Variants in MAPKAPK3 observed in about 807,000 individuals in gnomAD.
MAPKAPK3 encodes the protein MAPK activated protein kinase 3.
A neutral mutation model predicts 49.2 loss-of-function variants in MAPKAPK3; 35 were observed. The observed-to-expected ratio is 0.71, with a 90% CI of 0.54 to 0.94. The LOEUF is 0.94. Among genes scored for constraint, MAPKAPK3 ranks in the 40% least tolerant of loss-of-function variants. MAPKAPK3 has a pLI of 0.00. For synonymous variants in MAPKAPK3, 178 were observed against 188.7 expected, an observed-to-expected ratio of 0.94 and a Z score of 0.46; for missense variants, 398 against 493.1, an observed-to-expected ratio of 0.81 and a Z score of 1.83.
chr3:50,645,651 C>T (rs760050741), intron 6 of MAPKAPK3, 59 bp from the exon 7 acceptor site: 3 of 1,438,270 alleles, frequency 2.1e-6, no homozygotes, highest in African/African-American at 1.4e-5. Context: ...GCTTTAGGCT[C>T]CTGCCTGGGC....
chr3:50,619,764 A>G (rs576557248), intron 2 of MAPKAPK3, among the ~76,000 whole-genome samples: 55 of 152,308 alleles, frequency 3.6e-4, no homozygotes, highest in African/African-American at 1.3e-3. Context: ...GCCAGCTTTA[A>G]GTAAGACTGG....
At chr3:50,626,417 C>T (rs2032744185) in intron 2 of MAPKAPK3, among the ~76,000 whole-genome samples, 1 of 152,200 alleles carries the variant, frequency 6.6e-6, no homozygotes, top group African/African-American at 2.4e-5. Context: ...TGGCACCCTG[C>T]ACCTGACCAC....
Position 50,646,170 on chromosome 3 carries a change from C to T in MAPKAPK3, c.735C>T (p.Asn245=). The T allele has an allele frequency of 6.2e-7, 1 of 1,614,170 alleles. No homozygotes were observed. The highest frequency in any genetic ancestry group is 1.1e-5 in the South Asian group (1 of 91,086). ...LLCGFPPFYS[N]TGQAISPGMK... is the part of the protein sequence containing the mutation. Reference sequence around the variant, plus strand: ...GTGGCTTCCCACCCTTCTACTCCAACACGGGCCAGGCCATCTCCCCGGGGA... The same window carrying T: ...GTGGCTTCCCACCCTTCTACTCCAATACGGGCCAGGCCATCTCCCCGGGGA... Residue 245 remains asparagine, a synonymous_variant, in exon 8 of 11, where the codon AAC becomes AAT. Coordinates refer to ENST00000621469, the MANE Select transcript of MAPKAPK3 (RefSeq NM_001243925.2).
At chr3:50,636,497 C>T (rs448028) in intron 2 of MAPKAPK3, among the ~76,000 whole-genome samples, 118,160 of 152,164 alleles carry the variant, frequency 0.78, 47,083 homozygotes, top group Middle Eastern at 0.9. Context: ...AGGGCGATGA[C>T]GTGAGAGCTT....
At chr3:50,623,025 AT>A (rs1274408520) in intron 2 of MAPKAPK3, among the ~76,000 whole-genome samples, 2 of 152,268 alleles carry the variant, frequency 1.3e-5, no homozygotes, top group East Asian at 3.9e-4. Context: ...GTTGAGCTGG[AT>A]TTGAAGCCAG....
At chr3:50,622,985 G>C (rs185021912) in intron 2 of MAPKAPK3, among the ~76,000 whole-genome samples, 49 of 152,354 alleles carry the variant, frequency 3.2e-4, no homozygotes, top group Admixed American at 2.0e-3. Flanking sequence ...ACTGCTCCAA[G>C]GGTGAGGCTG....
chr3:50,636,391 G>A (rs2033041685), intron 2 of MAPKAPK3, among the ~76,000 whole-genome samples: 1 of 152,228 alleles, frequency 6.6e-6, no homozygotes, highest in Non-Finnish European at 1.5e-5. Context: ...CAGGCACATT[G>A]AAAGTACAAT....
chr3:50,635,284 A>G (rs1242642996), intron 2 of MAPKAPK3, among the ~76,000 whole-genome samples: 1 of 152,148 alleles, frequency 6.6e-6, no homozygotes, highest in African/African-American at 2.4e-5. Context: ...AAGAGGAGGT[A>G]AAGCCTGGTT....
At position 50,647,158 on chromosome 3, in the gene MAPKAPK3, G is replaced by A. The variant is rs757444915; in HGVS notation, c.951G>A (p.Thr317=). Residue 317 remains threonine (T), a synonymous_variant, in exon 10 of 11, where the codon ACG becomes ACA. Transcript: ENST00000621469. The part of the protein sequence containing the change: ...SMVVPQTPLH[T]ARVLQEDKDH... ...TAGTGCCACAGACCCCACTCCACAC[G>A]GCCCGAGTGCTGCAGGAGGACAAAG... 18 of 1,596,144 alleles carry A rather than the reference G, an allele frequency of 1.1e-5. No individual in the cohort carries two copies. Among genetic ancestry groups the A allele is most frequent in the East Asian group, 4.5e-5 (2 of 44,124 alleles).
chr3:50,617,806 C>T (rs1209447696), intron 2 of MAPKAPK3, 22 bp downstream of exon 2: 5 of 1,582,598 alleles, frequency 3.2e-6, no homozygotes, highest in Non-Finnish European at 4.3e-6. Flanking sequence ...CTCACTGAGG[C>T]CTGGGGTATC....
At chr3:50,627,609 G>A (rs371039231) in intron 2 of MAPKAPK3, among the ~76,000 whole-genome samples, 7 of 152,140 alleles carry the variant, frequency 4.6e-5, no homozygotes, top group Admixed American at 4.6e-4. Flanking sequence ...CCCAGGAGAG[G>A]GGGAGTGAGT....
At chr3:50,627,692 A>G (rs754553734) in intron 2 of MAPKAPK3, among the ~76,000 whole-genome samples, 15 of 152,134 alleles carry the variant, frequency 9.9e-5, no homozygotes, top group Non-Finnish European at 1.5e-5. Flanking sequence ...CTGGTCCCCT[A>G]GAGGGCAGGG....
intron 10 of MAPKAPK3, 69 bp from the exon 11 acceptor site, chr3:50,647,825 A>AG (rs1372104623): frequency 1.4e-6 from 2 of 1,471,590 alleles, no homozygotes; most frequent in East Asian, 2.3e-5. Flanking sequence ...CTGCCCAGGC[A>AG]GGGGGGTGAT....
At position 50,617,804 on chromosome 3, in the gene MAPKAPK3, G is replaced by T; in HGVS notation, c.219+20G>T. Reference sequence around the variant, plus strand: ...CTGAAGGTCAGTGAGCCCTCACTGAGGCCTGGGGTATCCTGGAGGGTCCAC... The same window carrying T: ...CTGAAGGTCAGTGAGCCCTCACTGATGCCTGGGGTATCCTGGAGGGTCCAC... On this transcript the variant is annotated intron_variant, in intron 2 of 10. Transcript: ENST00000621469. The T allele has an allele frequency of 6.3e-7, 1 of 1,584,170 alleles. No individual in the cohort carries two copies. Among genetic ancestry groups the T allele is most frequent in the South Asian group, 1.1e-5 (1 of 90,492 alleles).
At chr3:50,628,449 C>A (rs2032815100) in intron 2 of MAPKAPK3, among the ~76,000 whole-genome samples, 1 of 152,188 alleles carries the variant, frequency 6.6e-6, no homozygotes, top group African/African-American at 2.4e-5. Flanking sequence ...CTAAAATGTT[C>A]CAGTCTTATG....
rs745672353 is a variant in MAPKAPK3 at position 50,617,618 on chromosome 3, C to A, written c.53C>A (p.Ala18Glu). Residue 18 changes from alanine to glutamate, a missense_variant, in exon 2 of 11, where the codon GCA becomes GAA. Around this residue, in one of 5 missense-constraint regions of MAPKAPK3, gnomAD observed 123 missense variants for 117.7 expected, o/e 1.04. Coordinates refer to ENST00000621469, the MANE Select transcript of MAPKAPK3 (RefSeq NM_001243925.2). ...EQGGPVPPPV[A>E]PGGPGLGGAP... ...GGGGGCCCTGTGCCCCCGCCAGTTG[C>A]ACCCGGCGGACCCGGCTTGGGCGGT... is the stretch of plus-strand genomic sequence containing the variant. The A allele has an allele frequency of 1.2e-6, 2 of 1,606,094 alleles. No individual in the cohort carries two copies. Among genetic ancestry groups the A allele is most frequent in the Non-Finnish European group, 1.7e-6 (2 of 1,174,376 alleles).
At chr3:50,631,504 A>G (rs2032909790) in intron 2 of MAPKAPK3, among the ~76,000 whole-genome samples, 1 of 152,258 alleles carries the variant, frequency 6.6e-6, no homozygotes, top group Non-Finnish European at 1.5e-5. Context: ...AGCAGCTCAC[A>G]AGGGTCACAC....
upstream of MAPKAPK3, among the ~76,000 whole-genome samples, chr3:50,616,560 G>C (rs1199050692): frequency 1.3e-5 from 2 of 152,308 alleles, no homozygotes; most frequent in South Asian, 2.1e-4. Context: ...CTGGTCCCCA[G>C]GATGCTGTAT....
intron 2 of MAPKAPK3, among the ~76,000 whole-genome samples, chr3:50,619,019 G>A (rs2032544020): frequency 6.6e-6 from 1 of 152,190 alleles, no homozygotes; most frequent in African/African-American, 2.4e-5. Context: ...GAGTCCAAGT[G>A]CAGAGTCCTC....
Sources: allele counts gnomAD v4.1 joint callset (sites outside exome capture counted in the v4.1 genomes callset), GRCh38; gene constraint gnomAD v4.1.1; regional missense constraint gnomAD v4.1.1; transcripts MANE v1.5; gene names NCBI Gene and HGNC (gene_info 2026-07-23, HGNC 2026-07-21).